ENO1: variants seen among roughly 807,000 people sequenced by gnomAD.
The protein encoded by ENO1 is alpha-enolase.
Under a neutral mutation model 46.3 loss-of-function variants are expected in ENO1, and 33 were observed. The observed-to-expected ratio is 0.71, with a 90% confidence interval of 0.54 to 0.95. ENO1 has a LOEUF of 0.95. Ranked by LOEUF, ENO1 falls within the 40% of genes least tolerant of loss-of-function variation. ENO1 has a pLI of 0.00. For missense variants in ENO1, 488 were observed against 553.3 expected (o/e 0.88, Z 1.18); for synonymous variants, 220 against 216.0 (o/e 1.02, Z -0.16).
chr1:8,868,013 G>C lies in ENO1; in HGVS notation c.285C>G (p.Ile95Met), dbSNP rs753250311. Reference sequence around the variant, plus strand: ...ATTTATTTTCTGTTCCATCCATCTCGATCATCAGTTTGTCAATCTTCTCTT... The same window carrying C: ...ATTTATTTTCTGTTCCATCCATCTCCATCATCAGTTTGTCAATCTTCTCTT... ...TEQEKIDKLM[I>M]EMDGTENKSK... Residue 95 changes from isoleucine (I) to methionine (M), a missense_variant, in exon 5 of 12, where the codon ATC (isoleucine) becomes ATG (methionine). Transcript: ENST00000234590. 7 of 1,613,966 alleles carry C rather than the reference G, an allele frequency of 4.3e-6. No homozygotes were observed. The highest frequency in any genetic ancestry group is 1.3e-5 in the African/African-American group (1 of 74,994).
At position 8,863,922 on chromosome 1, in the gene ENO1, G is replaced by C. The variant is rs754321568; in HGVS notation, c.1036C>G (p.Gln346Glu). The C allele has an allele frequency of 6.2e-7, 1 of 1,613,946 alleles. No individual in the cohort carries two copies. The highest frequency in any genetic ancestry group is 8.5e-7 in the Non-Finnish European group (1 of 1,179,974). ...AGAGACTCGGTCACGGAGCCAATCT[G>C]GTTGACTTTGAGCAGGAGGCAGTTG... Reference protein sequence around the residue: ...SCNCLLLKVNQIGSVTESLQA... With the variant: ...SCNCLLLKVNEIGSVTESLQA... Residue 346 changes from glutamine (Q) to glutamate (E), a missense_variant, in exon 9 of 12, where the codon CAG becomes GAG. Transcript: ENST00000234590.
chr1:8,867,904 C>T (rs1031629391), intron 5 of ENO1, 84 bp downstream of exon 5: 1 of 1,216,604 alleles, frequency 8.2e-7, no homozygotes, highest in African/African-American at 1.5e-5. Flanking sequence ...TCACTAAGAT[C>T]ATGGGCCTCT....
At chr1:8,866,089 A>AG in intron 7 of ENO1, 190 bp downstream of exon 7, 1 of 551,062 alleles carries the variant, frequency 1.8e-6, no homozygotes, top group South Asian at 2.8e-5. Context: ...AAAAAAAAAA[A>AG]AAAAGAAAAA....
rs747481520 is a variant in ENO1 at position 8,866,412 on chromosome 1, G to C, written c.534C>G (p.Phe178Leu). 2.9e-5 allele frequency: 47 copies of C among 1,614,220 alleles called. No individual in the cohort carries two copies. Among genetic ancestry groups the C allele is most frequent in the Non-Finnish European group, 4.0e-5 (47 of 1,180,052 alleles). The change falls in exon 7 of 12, where the codon TTC becomes TTG. Residue 178 changes from phenylalanine (F) to leucine (L), a missense_variant. Physicochemically the swap from Phe to Leu is conservative, Grantham distance 22. Coordinates refer to ENST00000234590, the MANE Select transcript of ENO1 (RefSeq NM_001428.5). ...FMILPVGAAN[F>L]REAMRIGAEV... ...CTGCTCCAATGCGCATGGCTTCCCT[G>C]AAGTTTGCTGCACCGACTGGGAGGA...
chr1:8,877,643 G>T (rs1396867580), intron 1 of ENO1: 1 of 151,824 alleles, frequency 6.6e-6, no homozygotes, highest in African/African-American at 2.4e-5. Flanking sequence ...ATCACCTGAG[G>T]TCGGGAGCTC....
In ENO1 at chr1:8,866,297, T is replaced by A. The variant is rs772567946; in HGVS notation, c.649A>T (p.Ile217Phe). The change falls in exon 7 of 12, where the codon ATC becomes TTC. Residue 217 changes from isoleucine to phenylalanine, a missense_variant. Physicochemically the swap from Ile to Phe is conservative, Grantham distance 21 (BLOSUM62 0). Transcript: ENST00000234590. The part of the protein sequence containing the change: ...VGDEGGFAPN[I>F]LENKEGLELL... ...CCTTTACCTTCTTTATTCTCCAGGA[T>A]GTTGGGAGCAAACCCGCCTTCATCC... 2 of 1,614,006 alleles carry A rather than the reference T, an allele frequency of 1.2e-6. No homozygotes were observed. Among genetic ancestry groups the A allele is most frequent in the East Asian group, 4.5e-5 (2 of 44,852 alleles).
intron 3 of ENO1, chr1:8,870,967 A>AGG: frequency 8.0e-7 from 1 of 1,246,852 alleles, no homozygotes; most frequent in African/African-American, 1.5e-5. Flanking sequence ...AGAGACAGTG[A>AGG]GGGGGCAGGA....
intron 2 of ENO1, among the ~76,000 whole-genome samples, chr1:8,874,483 C>G (rs991465340): frequency 7.5e-6 from 1 of 132,706 alleles, no homozygotes; most frequent in East Asian, 2.4e-4. Flanking sequence ...GAGGCTGAGA[C>G]AGAAGAATTG....
intron 1 of ENO1, among the ~76,000 whole-genome samples, chr1:8,875,286 G>A (rs1381447365): frequency 2.0e-5 from 3 of 150,958 alleles, no homozygotes; most frequent in African/African-American, 7.3e-5. Flanking sequence ...AGCAATTGAG[G>A]TCTTGTTCTG....
chr1:8,868,900 C>T (rs768449157), intron 4 of ENO1, among the ~76,000 whole-genome samples: 23 of 151,902 alleles, frequency 1.5e-4, no homozygotes, highest in Non-Finnish European at 3.1e-4. Flanking sequence ...TGGTCTCAAA[C>T]TCCTGGCCTC....
rs551119714 is a variant in ENO1, at chr1:8,878,670, G to C, written c.-100C>G. ...AAAGCCGGCGAGATCTCCGTGCTCC[G>C]GGTACCCACAGATACTGTCCGCGCC... On this transcript the variant is annotated 5_prime_UTR_variant, in exon 1 of 12. Transcript: ENST00000234590. The C allele has an allele frequency of 8.8e-6, 4 of 455,930 alleles. No homozygotes were observed. Among genetic ancestry groups the C allele is most frequent in the Non-Finnish European group, 8.8e-6 (2 of 226,800 alleles). 28.2% of individuals were successfully genotyped at this position (455,930 alleles called of 1,614,324 possible).
rs76250641 is a variant in ENO1 at position 8,871,766 on chromosome 1, G to A, written c.181+125C>T. Reference sequence around the variant, plus strand: ...TGCACTGCTTCCATCAACATCATGGGTCACAGCAGGTTTACCTGCCATAAA... The same window carrying A: ...TGCACTGCTTCCATCAACATCATGGATCACAGCAGGTTTACCTGCCATAAA... On this transcript the variant is annotated intron_variant, in intron 3 of 11. Transcript: ENST00000234590. 70 of 1,280,814 alleles carry A rather than the reference G, an allele frequency of 5.5e-5. No individual in the cohort carries two copies. The East Asian group carries it at 1.4e-3, about 25-fold the overall frequency. 79.3% of individuals were successfully genotyped at this position (1,280,814 alleles called of 1,614,324 possible).
chr1:8,861,445 G>A lies in ENO1; in HGVS notation c.1236-16C>T. On this transcript the variant is annotated splice_polypyrimidine_tract_variant and intron_variant, in intron 11 of 11. Coordinates refer to ENST00000234590, the MANE Select transcript of ENO1 (RefSeq NM_001428.5). ...CTCTTCAATTCTTGGGAAGGAGAAA[G>A]GTAAAGAGATGGGGAGGAAAAAAGA... is the stretch of plus-strand genomic sequence containing the variant. 1.9e-6 allele frequency: 3 copies of A among 1,613,934 alleles called. No individual in the cohort carries two copies. Among genetic ancestry groups the A allele is most frequent in the South Asian group, 2.2e-5 (2 of 91,068 alleles).
At chr1:8,866,584 A>T (rs1642524801) in intron 6 of ENO1, 83 bp from the exon 7 acceptor site, 1 of 1,442,648 alleles carries the variant, frequency 6.9e-7, no homozygotes, top group Non-Finnish European at 9.7e-7. Flanking sequence ...CTACCATCCC[A>T]ATCTAGCTCA....
chr1:8,864,806 T>C (rs539767803), intron 8 of ENO1, among the ~76,000 whole-genome samples: 3 of 152,328 alleles, frequency 2.0e-5, no homozygotes, highest in African/African-American at 7.2e-5. Context: ...CTGGTCTGAA[T>C]TCTTGCCCCA....
Position 8,863,887 on chromosome 1 carries a change from T to A in ENO1, c.1067+4A>T. 6.2e-7 allele frequency: 1 copy of A among 1,614,076 alleles called. No homozygotes were observed. The highest frequency in any genetic ancestry group is 8.5e-7 in the Non-Finnish European group (1 of 1,179,968). ...GAAAGCTGCTCGCCTGGGAAGACAC[T>A]TACGCCTGAAGAGACTCGGTCACGG... On this transcript the variant is annotated splice_donor_region_variant and intron_variant, in intron 9 of 11. Transcript: ENST00000234590.
At chr1:8,873,946 T>G (rs940771005) in intron 2 of ENO1, 6 of 152,078 alleles carry the variant, frequency 3.9e-5, no homozygotes, top group African/African-American at 1.4e-4. Context: ...GTTTCACAAT[T>G]CTCTAATTTT....
chr1:8,863,241 A>C lies in ENO1; in HGVS notation c.1170T>G (p.Thr390=), dbSNP rs1279202337. The change falls in exon 10 of 12, where the codon ACT becomes ACG. Residue 390 remains threonine, a synonymous_variant. Coordinates refer to ENST00000234590, the MANE Select transcript of ENO1 (RefSeq NM_001428.5). ...AGGAGACGCTCATTCTTACCTGCCC[A>C]GTGCACAGCCCCACAACCAGGTCAG... The part of the protein sequence containing the change: ...FIADLVVGLC[T]GQIKTGAPCR... 2 of 1,614,042 alleles carry C rather than the reference A, an allele frequency of 1.2e-6. No homozygotes were observed. Among genetic ancestry groups the C allele is most frequent in the Non-Finnish European group, 1.7e-6 (2 of 1,180,024 alleles).
intron 3 of ENO1, 47 bp from the exon 4 acceptor site, chr1:8,870,557 G>C (rs752691268): frequency 3.0e-5 from 48 of 1,612,690 alleles, no homozygotes; most frequent in Non-Finnish European, 4.1e-5. Context: ...CTTTAAAACA[G>C]GCTTGAGCAG....
Sources: gnomAD v4.1 joint callset for allele counts (sites outside exome capture counted in the v4.1 genomes callset) on GRCh38, gnomAD v4.1.1 for gene constraint, MANE v1.5 for transcripts, NCBI Gene and HGNC (gene_info 2026-07-23, HGNC 2026-07-21) for gene names.